The following CSMD1 variants were observed in gnomAD, a reference collection of about 807,000 sequenced individuals.
The protein encoded by CSMD1 is CUB and sushi domain-containing protein 1.
In CSMD1, 213 loss-of-function variants were observed where a neutral mutation model predicts 417.5. The observed-to-expected ratio is 0.51, with a 90% CI of 0.46 to 0.57. CSMD1 has a LOEUF of 0.57. CSMD1 is among the 20% of genes least tolerant of loss of function. The pLI is 0.00. For missense variants in CSMD1, 6,923 were observed against 4,529.7 expected (o/e 1.53, Z -15.17); for synonymous variants, 2,862 against 1,736.8 (o/e 1.65, Z -16.11).
rs1820978405 is a variant in CSMD1, at chr8:3,177,062, G to A, written c.5725+4048C>T. Among the ~76,000 whole-genome samples, 3 of 152,184 alleles carry A rather than the reference G, an allele frequency of 2.0e-5. No individual in the cohort carries two copies. In the South Asian group the frequency reaches 6.2e-4, roughly 32 times the overall value. ...CAAAGTGCTTGGATTATAAGCATGA[G>A]CAACCATGCCCAGCTTGGTGACCTC... is the stretch of plus-strand genomic sequence containing the variant. On this transcript the variant is annotated intron_variant, in intron 37 of 69. Coordinates refer to ENST00000635120, the MANE Select transcript of CSMD1 (RefSeq NM_033225.6).
At chr8:3,979,461 T>C (rs757558679) in intron 5 of CSMD1, among the ~76,000 whole-genome samples, 3 of 152,198 alleles carry the variant, frequency 2.0e-5, no homozygotes, top group African/African-American at 2.4e-5. Context: ...ACTCACAGGA[T>C]ACAGTGTGTC....
chr8:4,330,349 C>T (rs970222998), intron 3 of CSMD1, among the ~76,000 whole-genome samples: 4 of 151,460 alleles, frequency 2.6e-5, no homozygotes, highest in Admixed American at 6.6e-5. Flanking sequence ...AATCCCAGTG[C>T]TTTAGGAGGA....
intron 1 of CSMD1, among the ~76,000 whole-genome samples, chr8:4,659,729 T>C (rs1318997488): frequency 6.6e-6 from 1 of 152,172 alleles, no homozygotes; most frequent in Non-Finnish European, 1.5e-5. Context: ...GTGGTAGTTA[T>C]ACAACATTGT....
intron 62 of CSMD1, among the ~76,000 whole-genome samples, chr8:2,960,813 C>T (rs190347530): frequency 6.6e-6 from 1 of 151,908 alleles, no homozygotes; most frequent in African/African-American, 2.4e-5. Context: ...AATCTGAGAA[C>T]TGCCGTGAGA....
chr8:3,697,536 A>G (rs73497656), intron 7 of CSMD1, among the ~76,000 whole-genome samples: 5,383 of 152,242 alleles, frequency 0.035, 331 homozygotes, highest in African/African-American at 0.12. Flanking sequence ...AAAGTTTCTG[A>G]CTTTAGTTAC....
chr8:3,119,496 T>A (rs1307353141), intron 41 of CSMD1, among the ~76,000 whole-genome samples: 1 of 152,004 alleles, frequency 6.6e-6, no homozygotes, highest in Non-Finnish European at 1.5e-5. Context: ...TCAGTCTTTA[T>A]GTTCCCTAGA....
chr8:3,833,478 T>C (rs1226906699), intron 5 of CSMD1, among the ~76,000 whole-genome samples: 7 of 152,144 alleles, frequency 4.6e-5, no homozygotes, highest in African/African-American at 1.4e-4. Context: ...CTATCTTATT[T>C]TCCTACTATA....
chr8:3,964,662 C>T (rs1057373256), intron 5 of CSMD1, among the ~76,000 whole-genome samples: 4 of 152,250 alleles, frequency 2.6e-5, no homozygotes, highest in Admixed American at 2.0e-4. Flanking sequence ...GTTGAGGTGT[C>T]TCTATATTTT....
At chr8:3,773,012 G>A (rs1175769326) in intron 5 of CSMD1, among the ~76,000 whole-genome samples, 1 of 152,142 alleles carries the variant, frequency 6.6e-6, no homozygotes, top group Non-Finnish European at 1.5e-5. Context: ...TTCAGAGGCA[G>A]GACCTCCTCC....
chr8:4,193,350 A>G (rs1563251979), intron 3 of CSMD1, among the ~76,000 whole-genome samples: 2 of 152,224 alleles, frequency 1.3e-5, no homozygotes, highest in South Asian at 2.1e-4. Flanking sequence ...AAAATACTCA[A>G]TATATACTGC....
intron 49 of CSMD1, among the ~76,000 whole-genome samples, chr8:3,077,457 C>A (rs1374591598): frequency 6.6e-6 from 1 of 152,224 alleles, no homozygotes; most frequent in Admixed American, 6.5e-5. Flanking sequence ...GACATAAACA[C>A]CTGCCTTCCA....
intron 25 of CSMD1, among the ~76,000 whole-genome samples, chr8:3,295,448 T>C (rs139697276): frequency 1.3e-3 from 195 of 152,282 alleles, no homozygotes; most frequent in African/African-American, 4.4e-3. Flanking sequence ...TGTACTATTA[T>C]GGGAGAGACC....
intron 7 of CSMD1, among the ~76,000 whole-genome samples, chr8:3,699,242 C>T (rs1800718021): frequency 1.3e-5 from 2 of 152,154 alleles, no homozygotes; most frequent in African/African-American, 4.8e-5. Flanking sequence ...TTTTTATTAC[C>T]AGCTGCTATC....
intron 5 of CSMD1, among the ~76,000 whole-genome samples, chr8:3,793,313 A>T (rs1799853692): frequency 6.6e-6 from 1 of 152,112 alleles, no homozygotes; most frequent in Admixed American, 6.6e-5. Context: ...TTCCATTCCC[A>T]TCTGTTTATG....
At chr8:4,618,339 G>A (rs1374416512) in intron 2 of CSMD1, among the ~76,000 whole-genome samples, 1 of 152,054 alleles carries the variant, frequency 6.6e-6, no homozygotes, top group Non-Finnish European at 1.5e-5. Flanking sequence ...AGCTTTGCTT[G>A]ACGAACACAC....
At chr8:3,517,049 G>A (rs1338125529) in intron 10 of CSMD1, among the ~76,000 whole-genome samples, 1 of 152,188 alleles carries the variant, frequency 6.6e-6, no homozygotes, top group Non-Finnish European at 1.5e-5. Context: ...GTCAGATCAA[G>A]GGGACACTGG....
At chr8:4,417,520 A>G (rs1242326704) in intron 3 of CSMD1, among the ~76,000 whole-genome samples, 1 of 152,020 alleles carries the variant, frequency 6.6e-6, no homozygotes, top group African/African-American at 2.4e-5. Flanking sequence ...TTAGTTAAAT[A>G]AAAAAACATG....
chr8:4,210,691 A>G (rs1227965637), intron 3 of CSMD1, among the ~76,000 whole-genome samples: 1 of 152,194 alleles, frequency 6.6e-6, no homozygotes, highest in Non-Finnish European at 1.5e-5. Context: ...TTTCCACTTC[A>G]TTTTGCTCAT....
chr8:4,324,815 C>G (rs544681923), intron 3 of CSMD1, among the ~76,000 whole-genome samples: 4 of 152,260 alleles, frequency 2.6e-5, no homozygotes, highest in African/African-American at 9.6e-5. Flanking sequence ...CCATGTCTTG[C>G]TAGAGAACAT....
Sources: gnomAD v4.1 joint callset for allele counts (sites outside exome capture counted in the v4.1 genomes callset) on GRCh38, gnomAD v4.1.1 for gene constraint, MANE v1.5 for transcripts, NCBI Gene and HGNC (gene_info 2026-07-23, HGNC 2026-07-21) for gene names.